Variants in ABLIM1 observed in about 807,000 individuals in gnomAD.
ABLIM1 encodes the protein actin binding LIM protein 1.
A neutral mutation model predicts 107.0 loss-of-function variants in ABLIM1; 40 were observed. The observed-to-expected ratio is 0.37, with a 90% CI of 0.29 to 0.49. The LOEUF (loss-of-function observed/expected upper bound fraction) is 0.49. Among genes scored for constraint, ABLIM1 ranks in the 20% least tolerant of loss-of-function variants. The pLI, the probability that ABLIM1 is intolerant of heterozygous loss-of-function variation, is 0.97. For synonymous variants in ABLIM1, 357 were observed against 357.3 expected, an observed-to-expected ratio of 1.00 and a Z score of 0.01; for missense variants, 857 against 1,008.5, an observed-to-expected ratio of 0.85 and a Z score of 2.04.
At position 114,461,393 on chromosome 10, in the gene ABLIM1, GTTTTT is replaced by G. The variant is rs11297952; in HGVS notation, c.1441+4300_1441+4304del. Among the ~76,000 whole-genome samples the G allele has an allele frequency of 1.8e-3, 255 of 140,772 alleles. 2 individuals carry two copies. The highest frequency in any genetic ancestry group is 6.3e-3 in the African/African-American group (245 of 38,904). The allele number at this position is 140,772 out of a possible 152,430, so 92.4% of individuals were successfully genotyped here. On this transcript the variant is annotated intron_variant, in intron 12 of 22. Coordinates refer to ENST00000533213, the MANE Select transcript of ABLIM1 (RefSeq NM_002313.7). Reference sequence around the variant, plus strand: ...TCTCTTTAAAATACACAACTGAAGGGTTTTTTTTTTTTTTTAAGAAAAAAAAACAG... The same window carrying G: ...TCTCTTTAAAATACACAACTGAAGGGTTTTTTTTTTAAGAAAAAAAAACAG...
intron 1 of ABLIM1, among the ~76,000 whole-genome samples, chr10:114,712,388 G>T (rs1417033124): frequency 1.4e-5 from 2 of 141,520 alleles, no homozygotes; most frequent in Admixed American, 7.1e-5. Context: ...GTACATGAAT[G>T]CTATAATTAA....
chr10:114,492,262 C>T (rs896095954), intron 6 of ABLIM1, among the ~76,000 whole-genome samples: 1 of 152,108 alleles, frequency 6.6e-6, no homozygotes, highest in African/African-American at 2.4e-5. Context: ...ATAAATGACC[C>T]TTATATTTAG....
chr10:114,779,020 G>A, the ABLIM1 span: 1 of 152,116 alleles, frequency 6.6e-6, no homozygotes, highest in Non-Finnish European at 1.5e-5. Flanking sequence ...GGTAATAGCA[G>A]GAGCATTAGA....
intron 6 of ABLIM1, chr10:114,501,996 C>G (rs2060492263): frequency 6.6e-6 from 1 of 152,280 alleles, no homozygotes; most frequent in African/African-American, 2.4e-5. Context: ...CTATTCATCC[C>G]TCAGTATTAT....
chr10:114,485,403 G>T, intron 8 of ABLIM1: 1 of 1,591,482 alleles, frequency 6.3e-7, no homozygotes. Context: ...ATGAGAAAAG[G>T]GAAGAACGAA....
chr10:114,462,714 T>C (rs187696751), intron 12 of ABLIM1, among the ~76,000 whole-genome samples: 40 of 152,024 alleles, frequency 2.6e-4, no homozygotes, highest in Admixed American at 4.6e-4. Flanking sequence ...TCCAATTATA[T>C]ATATTATATT....
At chr10:114,626,824 T>C (rs538801703) in intron 1 of ABLIM1, among the ~76,000 whole-genome samples, 1 of 152,274 alleles carries the variant, frequency 6.6e-6, no homozygotes, top group Non-Finnish European at 1.5e-5. Context: ...CCACTGGGAC[T>C]GGTGTCCTTT....
intron 5 of ABLIM1, 192 bp downstream of exon 5, chr10:114,547,458 T>C (rs1029311194): frequency 8.3e-5 from 54 of 654,348 alleles, no homozygotes; most frequent in Middle Eastern, 8.5e-4. Flanking sequence ...AACATATCAT[T>C]AGGTTTATAG....
intron 6 of ABLIM1, among the ~76,000 whole-genome samples, chr10:114,524,507 A>T (rs1351220893): frequency 6.6e-6 from 1 of 152,204 alleles, no homozygotes; most frequent in Non-Finnish European, 1.5e-5. Context: ...GAAAGCATTC[A>T]CTTGCAGATT....
chr10:114,791,085 A>G, the ABLIM1 span, among the ~76,000 whole-genome samples: 1 of 152,024 alleles, frequency 6.6e-6, no homozygotes, highest in African/African-American at 2.4e-5. Flanking sequence ...TCATTTATTT[A>G]TTTTACAGAT....
chr10:114,474,839 A>G (rs1401360979), intron 8 of ABLIM1, among the ~76,000 whole-genome samples: 1 of 152,190 alleles, frequency 6.6e-6, no homozygotes, highest in Non-Finnish European at 1.5e-5. Flanking sequence ...ATCATGGGGC[A>G]GTTTCCCCCA....
chr10:114,625,168 A>AG (rs2077708958), intron 1 of ABLIM1, among the ~76,000 whole-genome samples: 1 of 152,182 alleles, frequency 6.6e-6, no homozygotes, highest in South Asian at 2.1e-4. Flanking sequence ...AAGGGCAGGT[A>AG]GGGGTGAGGC....
At chr10:114,494,605 T>G (rs2059430774) in intron 6 of ABLIM1, among the ~76,000 whole-genome samples, 1 of 152,100 alleles carries the variant, frequency 6.6e-6, no homozygotes, top group Admixed American at 6.6e-5. Context: ...AAAGAAGTAC[T>G]TACAATACTG....
intron 1 of ABLIM1, among the ~76,000 whole-genome samples, chr10:114,724,999 T>C (rs113558570): frequency 0.02 from 2,972 of 152,306 alleles, 95 homozygotes; most frequent in African/African-American, 0.067. Context: ...AAATGATGTT[T>C]CTCTTTTCTC....
At chr10:114,463,057 G>T in intron 12 of ABLIM1, 1 of 1,339,676 alleles carries the variant, frequency 7.5e-7, no homozygotes, top group Non-Finnish European at 9.9e-7. Context: ...TTGATATGGG[G>T]AATGAAGTGG....
At chr10:114,751,131 AT>A (rs891443610) in intron 1 of ABLIM1, among the ~76,000 whole-genome samples, 1 of 152,084 alleles carries the variant, frequency 6.6e-6, no homozygotes, top group Non-Finnish European at 1.5e-5. Context: ...CAAAATTCTC[AT>A]TTTTGCCATT....
Position 114,465,875 on chromosome 10 carries a change from G to A in ABLIM1, c.1312-48C>T, listed in dbSNP as rs753263051. 8.8e-6 allele frequency: 14 copies of A among 1,594,434 alleles called. No homozygotes were observed. The East Asian group carries it at 3.1e-4, about 36-fold the overall frequency. ...TCAGGCTATCACCATGCCTCAGTAG[G>A]AACCACGCTTCACAAACACTGCCAA... On this transcript the variant is annotated intron_variant, in intron 11 of 22. Transcript: ENST00000533213.
intron 1 of ABLIM1, among the ~76,000 whole-genome samples, chr10:114,644,100 T>G (rs1028844390): frequency 6.7e-6 from 1 of 150,130 alleles, no homozygotes; most frequent in African/African-American, 2.5e-5. Context: ...GCTAACATGG[T>G]GAAACCCCGT....
chr10:114,717,548 T>G (rs2081699542), intron 1 of ABLIM1, among the ~76,000 whole-genome samples: 1 of 152,154 alleles, frequency 6.6e-6, no homozygotes, highest in African/African-American at 2.4e-5. Context: ...AAAAACATCT[T>G]CAGTCATTGT....
Sources: allele counts gnomAD v4.1 joint callset (sites outside exome capture counted in the v4.1 genomes callset), GRCh38; gene constraint gnomAD v4.1.1; transcripts MANE v1.5; gene names NCBI Gene and HGNC (gene_info 2026-07-23, HGNC 2026-07-21).